The following VCAN variants were observed in gnomAD, a reference collection of about 807,000 sequenced individuals.
VCAN encodes the protein versican core protein.
In VCAN, 44 loss-of-function variants were observed where a neutral mutation model predicts 245.5. The ratio of observed to expected loss-of-function variants is 0.18; its 90% CI spans 0.14 to 0.23. VCAN has a LOEUF of 0.23. VCAN is among the 10% of genes least tolerant of loss of function. The pLI is 1.00. For synonymous variants in VCAN, 1,413 were observed against 1,437.0 expected, an observed-to-expected ratio of 0.98 and a Z score of 0.38; for missense variants, 3,793 against 4,057.9, an observed-to-expected ratio of 0.93 and a Z score of 1.77.
At chr5:83,568,114 G>A (rs973738425) in intron 12 of VCAN, among the ~76,000 whole-genome samples, 6 of 139,674 alleles carry the variant, frequency 4.3e-5, no homozygotes, top group Non-Finnish European at 6.3e-5. Flanking sequence ...AGAAAAGTAC[G>A]TTATTGAAGC....
rs185203547 is a variant in VCAN, at chr5:83,571,751, C to A, written c.9736-665C>A. 3.4e-3 allele frequency among the ~76,000 whole-genome samples: 523 copies of A among 152,108 alleles called. 2 individuals are homozygous for A. The highest frequency in any genetic ancestry group is 0.012 in the African/African-American group (487 of 41,520). ...AAAAAGAAAACATTTCATATTAAATCATAAAGCACAACTCAACTGTATGGT... is the reference window on the plus strand; with the variant it reads ...AAAAAGAAAACATTTCATATTAAATAATAAAGCACAACTCAACTGTATGGT... On this transcript the variant is annotated intron_variant, in intron 12 of 14. Transcript: ENST00000265077.
chr5:83,578,468 C>A (rs916418928), intron 13 of VCAN, among the ~76,000 whole-genome samples: 1 of 151,630 alleles, frequency 6.6e-6, no homozygotes, highest in East Asian at 1.9e-4. Context: ...TACACATTTA[C>A]CCCTGAACTT....
intron 5 of VCAN, among the ~76,000 whole-genome samples, chr5:83,502,924 C>T (rs1745375197): frequency 6.6e-6 from 1 of 152,162 alleles, no homozygotes; most frequent in African/African-American, 2.4e-5. Context: ...CATTACCAGC[C>T]TAACACTAAC....
chr5:83,485,470 A>G (rs10942331), intron 2 of VCAN, among the ~76,000 whole-genome samples: 59,386 of 151,410 alleles, frequency 0.39, 11,998 homozygotes, highest in African/African-American at 0.48. Context: ...GGGTTTCAGC[A>G]AAGAAAGATA....
intron 7 of VCAN, among the ~76,000 whole-genome samples, chr5:83,525,974 C>T (rs1288911072): frequency 6.6e-6 from 1 of 151,664 alleles, no homozygotes; most frequent in Non-Finnish European, 1.5e-5. Context: ...GAGTCTTGCT[C>T]TGTTGCCCAG....
intron 3 of VCAN, among the ~76,000 whole-genome samples, chr5:83,491,539 A>G (rs1482773516): frequency 6.6e-6 from 1 of 151,888 alleles, no homozygotes; most frequent in Non-Finnish European, 1.5e-5. Flanking sequence ...TTTTATCATT[A>G]TTTTTGTTAG....
rs765298580 is a variant in VCAN at position 83,538,784 on chromosome 5, T to C, written c.5781T>C (p.Gly1927=). ...CAGAAATAAGGGGCTTTTCCACAGG[T>C]TTTCCTTTGGAGGAAGATTTCAGTG... ...YGAEIRGFST[G]FPLEEDFSGD... is the part of the protein sequence containing the mutation. The change falls in exon 8 of 15, where the codon GGT becomes GGC. Residue 1927 remains glycine (G), a synonymous_variant. Coordinates refer to ENST00000265077, the MANE Select transcript of VCAN (RefSeq NM_004385.5). 3 of 1,613,730 alleles carry C rather than the reference T, an allele frequency of 1.9e-6. No individual in the cohort carries two copies. Among genetic ancestry groups the C allele is most frequent in the African/African-American group, 1.3e-5 (1 of 74,868 alleles).
intron 12 of VCAN, among the ~76,000 whole-genome samples, chr5:83,557,270 G>T (rs1282964336): frequency 6.6e-6 from 1 of 152,082 alleles, no homozygotes; most frequent in Non-Finnish European, 1.5e-5. Context: ...TTTGATGTGT[G>T]TGTTTTTATT....
intron 7 of VCAN, among the ~76,000 whole-genome samples, chr5:83,531,989 T>C (rs945985951): frequency 3.9e-5 from 6 of 152,168 alleles, no homozygotes; most frequent in East Asian, 3.8e-4. Flanking sequence ...ACAAAAGTTA[T>C]ATTGCCTTTT....
chr5:83,537,620 T>A lies in VCAN; in HGVS notation c.4617T>A (p.Pro1539=). 1 of 1,613,856 alleles carries A rather than the reference T, an allele frequency of 6.2e-7. No individual in the cohort carries two copies. Among genetic ancestry groups the A allele is most frequent in the Non-Finnish European group, 8.5e-7 (1 of 1,179,918 alleles). ...VGHQAHEHTE[P]VSLFPEESSG... ...ATCAGGCACATGAACATACTGAACC[T>A]GTATCTCTGTTTCCTGAAGAGTCTT... The change falls in exon 8 of 15, where the codon CCT becomes CCA. Residue 1539 remains proline, a synonymous_variant. Coordinates refer to ENST00000265077, the MANE Select transcript of VCAN (RefSeq NM_004385.5).
At chr5:83,535,393 A>C (rs1010438960) in intron 7 of VCAN, among the ~76,000 whole-genome samples, 2 of 152,064 alleles carry the variant, frequency 1.3e-5, no homozygotes, top group Non-Finnish European at 2.9e-5. Context: ...GATACAAAAG[A>C]GAGTTTTCTT....
At chr5:83,487,676 T>A (rs936295074) in intron 2 of VCAN, among the ~76,000 whole-genome samples, 2 of 152,198 alleles carry the variant, frequency 1.3e-5, no homozygotes, top group African/African-American at 4.8e-5. Context: ...ATTATTTATA[T>A]CCAACCAAAG....
chr5:83,512,281 T>C lies in VCAN; in HGVS notation c.927T>C (p.Thr309=), dbSNP rs536465380. 3.2e-4 allele frequency: 521 copies of C among 1,614,174 alleles called. 4 individuals are homozygous for C. The South Asian group carries it at 5.4e-3, about 17-fold the overall frequency. The part of the protein sequence containing the change: ...LSDASVRHPV[T]VARAQCGGGL... Reference sequence around the variant, plus strand: ...ATGCCAGCGTGCGCCACCCTGTGACTGTGGCCAGGGCCCAGTGTGGAGGTG... The same window carrying C: ...ATGCCAGCGTGCGCCACCCTGTGACCGTGGCCAGGGCCCAGTGTGGAGGTG... The change falls in exon 6 of 15, where the codon ACT becomes ACC. Residue 309 remains threonine, a synonymous_variant. Transcript: ENST00000265077.
chr5:83,536,814 A>C, intron 7 of VCAN, 193 bp from the exon 8 acceptor site: 2 of 503,426 alleles, frequency 4.0e-6, no homozygotes, highest in Non-Finnish European at 6.9e-6. Flanking sequence ...AATTGAATTC[A>C]TTTTTCTTAT....
intron 12 of VCAN, chr5:83,562,239 T>C (rs1747892985): frequency 6.6e-6 from 1 of 152,174 alleles, no homozygotes; most frequent in Admixed American, 6.5e-5. Context: ...CTTTAACACA[T>C]TACTCATGAG....
Position 83,520,418 on chromosome 5 carries a change from A to G in VCAN, c.2112A>G (p.Gln704=), listed in dbSNP as rs746791431. 1.9e-6 allele frequency: 3 copies of G among 1,613,782 alleles called. No individual in the cohort carries two copies. Among genetic ancestry groups the G allele is most frequent in the Non-Finnish European group, 2.5e-6 (3 of 1,179,946 alleles). Residue 704 remains glutamine (Q), a synonymous_variant, in exon 7 of 15, where the codon CAA becomes CAG. Coordinates refer to ENST00000265077, the MANE Select transcript of VCAN (RefSeq NM_004385.5). ...CAGATACTTATACAGATGAAATACA[A>G]GAAGAGATCACTAAAAGTCCATTTA... ...MRTDTYTDEI[Q]EEITKSPFMG...
chr5:83,559,509 C>T (rs570754779), intron 12 of VCAN, among the ~76,000 whole-genome samples: 5 of 152,172 alleles, frequency 3.3e-5, no homozygotes, highest in Non-Finnish European at 5.9e-5. Flanking sequence ...TCCTGGGCGG[C>T]TTTGCCTGTA....
rs781014698 is a variant in VCAN at position 83,483,574 on chromosome 5, A to G, written c.56A>G (p.His19Arg). The G allele has an allele frequency of 1.9e-6, 3 of 1,613,354 alleles. No homozygotes were observed. Among genetic ancestry groups the G allele is most frequent in the East Asian group, 2.2e-5 (1 of 44,762 alleles). The change falls in exon 2 of 15, where the codon CAT (histidine) becomes CGT (arginine). Residue 19 changes from histidine (H) to arginine (R), a missense_variant. This residue lies in a region of VCAN where 179 missense variants were observed against 169.7 expected (regional missense o/e 1.05). Coordinates refer to ENST00000265077, the MANE Select transcript of VCAN (RefSeq NM_004385.5). ...ATGTGTTCAACCTTAATAGTAACCC[A>G]TGCGCTACATAAAGGTGAGTGTGCT... The part of the protein sequence containing the change: ...LWMCSTLIVT[H>R]ALHKVKVGKS...
At chr5:83,562,977 A>G (rs1397268078) in intron 12 of VCAN, among the ~76,000 whole-genome samples, 1 of 152,176 alleles carries the variant, frequency 6.6e-6, no homozygotes, top group Non-Finnish European at 1.5e-5. Flanking sequence ...TCTTTCCCGC[A>G]CAGAGGTTTG....
Sources: allele counts gnomAD v4.1 joint callset (sites outside exome capture counted in the v4.1 genomes callset), GRCh38; gene constraint gnomAD v4.1.1; regional missense constraint gnomAD v4.1.1; transcripts MANE v1.5; gene names NCBI Gene and HGNC (gene_info 2026-07-23, HGNC 2026-07-21).